The following ADARB2 variants were observed in gnomAD, a reference collection of about 807,000 sequenced individuals.
The protein encoded by ADARB2 is inactive double-stranded RNA-specific editase B2.
In ADARB2, 25 loss-of-function variants were observed where a neutral mutation model predicts 62.2. That is an observed-to-expected ratio of 0.40 (90% CI 0.29 to 0.56). The LOEUF is 0.56. Ranked by LOEUF, ADARB2 falls within the 20% of genes least tolerant of loss-of-function variation. The pLI is 0.43. For missense variants in ADARB2, 1,071 were observed against 1,077.4 expected, an observed-to-expected ratio of 0.99 and a Z score of 0.08; for synonymous variants, 572 against 500.8, an observed-to-expected ratio of 1.14 and a Z score of -1.90.
chr10:1,462,717 C>A (rs922473009), intron 1 of ADARB2, among the ~76,000 whole-genome samples: 1 of 141,748 alleles, frequency 7.1e-6, no homozygotes, highest in Non-Finnish European at 1.5e-5. Flanking sequence ...ATGTGCATGA[C>A]TGTATGTGCA....
chr10:1,372,816 G>A (rs1033603072), intron 2 of ADARB2, among the ~76,000 whole-genome samples: 1 of 152,142 alleles, frequency 6.6e-6, no homozygotes, highest in Non-Finnish European at 1.5e-5. Context: ...CATACTCATA[G>A]TATATTAGAG....
chr10:1,733,376 CA>C (rs960362289), intron 1 of ADARB2, among the ~76,000 whole-genome samples: 1 of 151,572 alleles, frequency 6.6e-6, no homozygotes, highest in African/African-American at 2.4e-5. Flanking sequence ...ATTTCATTTG[CA>C]AAATGCCTTT....
rs573746907 is a variant in ADARB2, at chr10:1,712,770, A to G, written c.100+24281T>C. ...ACTACAGGCTCCCACCACGACGCCC[A>G]ACTAATTTTTTTGTATTTTTAGTAG... On this transcript the variant is annotated intron_variant, in intron 1 of 9. Coordinates refer to ENST00000381312, the MANE Select transcript of ADARB2 (RefSeq NM_018702.4). Among the ~76,000 whole-genome samples the G allele has an allele frequency of 5.1e-5, 4 of 77,874 alleles. No individual in the cohort carries two copies. In the South Asian group the frequency reaches 1.8e-3, roughly 36 times the overall value. 51.1% of individuals were successfully genotyped at this position (77,874 alleles called of 152,430 possible). A position where few individuals can be genotyped will look rare whatever the true frequency, so the allele number is the denominator to read the frequency against.
At chr10:1,359,757 A>C (rs929733494) in intron 3 of ADARB2, among the ~76,000 whole-genome samples, 1 of 152,174 alleles carries the variant, frequency 6.6e-6, no homozygotes, top group East Asian at 1.9e-4. Flanking sequence ...TGTGAGCAGC[A>C]CCATGACAAG....
At chr10:1,366,103 G>A (rs1353142610) in intron 2 of ADARB2, among the ~76,000 whole-genome samples, 1 of 152,168 alleles carries the variant, frequency 6.6e-6, no homozygotes, top group African/African-American at 2.4e-5. Flanking sequence ...CTGATGCGTG[G>A]GTAATAAAGA....
intron 1 of ADARB2, among the ~76,000 whole-genome samples, chr10:1,708,359 C>G (rs1834916193): frequency 6.6e-6 from 1 of 152,142 alleles, no homozygotes; most frequent in African/African-American, 2.4e-5. Flanking sequence ...AAGCCTTGGT[C>G]TGAGAAGCCC....
intron 8 of ADARB2, chr10:1,199,346 C>T (rs963528471): frequency 3.5e-4 from 53 of 152,418 alleles, no homozygotes; most frequent in African/African-American, 1.2e-3. Flanking sequence ...ACTCTTCATC[C>T]TTGCAGCTGG....
chr10:1,615,742 T>C (rs1425309234), intron 1 of ADARB2, among the ~76,000 whole-genome samples: 2 of 152,200 alleles, frequency 1.3e-5, no homozygotes, highest in Non-Finnish European at 2.9e-5. Context: ...GCTGAGGCTG[T>C]TCCCAGGACA....
chr10:1,433,755 C>T (rs1015483372), intron 1 of ADARB2, among the ~76,000 whole-genome samples: 5 of 152,012 alleles, frequency 3.3e-5, no homozygotes, highest in African/African-American at 1.2e-4. Flanking sequence ...AAATGCAGCG[C>T]GGAGATAATT....
intron 1 of ADARB2, among the ~76,000 whole-genome samples, chr10:1,411,901 G>A (rs1832763052): frequency 6.6e-6 from 1 of 152,242 alleles, no homozygotes. Context: ...TCAGCTAGCA[G>A]TATAGATTTC....
chr10:1,340,683 GTGGCAATAAC>G (rs1287149200), intron 3 of ADARB2, among the ~76,000 whole-genome samples: 3 of 97,024 alleles, frequency 3.1e-5, no homozygotes, highest in Admixed American at 9.9e-5. Flanking sequence ...GTGCCCCACA[GTGGCAATAAC>G]CGGCATCCAC....
At chr10:1,707,422 GTC>G (rs1834903537) in intron 1 of ADARB2, among the ~76,000 whole-genome samples, 1 of 152,240 alleles carries the variant, frequency 6.6e-6, no homozygotes, top group Admixed American at 6.5e-5. Context: ...GATTTGTAGC[GTC>G]TTTGGCCAGT....
At chr10:1,411,913 A>G (rs1832763132) in intron 1 of ADARB2, among the ~76,000 whole-genome samples, 1 of 152,234 alleles carries the variant, frequency 6.6e-6, no homozygotes, top group Non-Finnish European at 1.5e-5. Flanking sequence ...ATAGATTTCT[A>G]TACATAAAGA....
chr10:1,189,069 G>A (rs1836803257), intron 8 of ADARB2, among the ~76,000 whole-genome samples: 1 of 150,686 alleles, frequency 6.6e-6, no homozygotes, highest in South Asian at 2.1e-4. Flanking sequence ...CCATTTCCCC[G>A]CAGCCTGAGT....
intron 1 of ADARB2, among the ~76,000 whole-genome samples, chr10:1,575,992 CTA>C (rs1833008368): frequency 3.1e-5 from 4 of 130,432 alleles, no homozygotes; most frequent in Admixed American, 7.9e-5. Context: ...CTCAGGGTCA[CTA>C]AAGGGAAGTT....
chr10:1,731,283 A>ATTT, intron 1 of ADARB2, among the ~76,000 whole-genome samples: 1 of 152,372 alleles, frequency 6.6e-6, no homozygotes, highest in African/African-American at 2.4e-5. Context: ...GCAAGCAATC[A>ATTT]GATAAAATAG....
intron 1 of ADARB2, among the ~76,000 whole-genome samples, chr10:1,544,956 TACACACAC>T (rs1554770300): frequency 7.5e-6 from 1 of 133,846 alleles, no homozygotes; most frequent in Non-Finnish European, 1.6e-5. Flanking sequence ...TAGCAAAGTA[TACACACAC>T]ACACACACAC....
chr10:1,510,699 G>A (rs573125817), intron 1 of ADARB2, among the ~76,000 whole-genome samples: 3 of 152,184 alleles, frequency 2.0e-5, no homozygotes, highest in South Asian at 2.1e-4. Context: ...TGTAATTATC[G>A]TAATTACTGT....
intron 1 of ADARB2, among the ~76,000 whole-genome samples, chr10:1,547,011 C>T (rs964001308): frequency 6.6e-6 from 1 of 152,242 alleles, no homozygotes; most frequent in African/African-American, 2.4e-5. Flanking sequence ...GTAAACACAG[C>T]CTGGCAGGAG....
Sources: gnomAD v4.1 joint callset for allele counts (sites outside exome capture counted in the v4.1 genomes callset) on GRCh38, gnomAD v4.1.1 for gene constraint, MANE v1.5 for transcripts, NCBI Gene and HGNC (gene_info 2026-07-23, HGNC 2026-07-21) for gene names.